Variants in ZNF26 observed in about 807,000 individuals in gnomAD.
ZNF26 encodes the protein zinc finger protein 26.
Under a neutral mutation model 54.9 loss-of-function variants are expected in ZNF26, and 32 were observed. The observed-to-expected ratio is 0.58, with a 90% confidence interval of 0.44 to 0.78. The LOEUF (loss-of-function observed/expected upper bound fraction) is 0.78, where lower values mean the gene tolerates loss of function less well. ZNF26 is among the 30% of genes least tolerant of loss of function. The pLI, the probability that ZNF26 is intolerant of heterozygous loss-of-function variation, is 0.00. For missense variants in ZNF26, 524 were observed against 634.0 expected (o/e 0.83, Z 1.86); for synonymous variants, 221 against 209.2 (o/e 1.06, Z -0.49).
chr12:133,023,612 T>C lies in ZNF26; in HGVS notation c.*12131T>C, dbSNP rs909869721. On this transcript the variant is annotated 3_prime_UTR_variant, in exon 4 of 4. Transcript: ENST00000328654. ...ACAATAATCAACCATGTTTTACATATGTGGCAGATTTTATTTTCTGAAGTG... is the reference window on the plus strand; with the variant it reads ...ACAATAATCAACCATGTTTTACATACGTGGCAGATTTTATTTTCTGAAGTG... 1.3e-5 allele frequency: 2 copies of C among 148,530 alleles called. No homozygotes were observed. Among genetic ancestry groups the C allele is most frequent in the African/African-American group, 2.5e-5 (1 of 40,574 alleles). 9.2% of individuals were successfully genotyped at this position (148,530 alleles called of 1,614,324 possible).
chr12:133,008,519 G>A (rs1274820641), intron 3 of ZNF26, among the ~76,000 whole-genome samples: 2 of 152,142 alleles, frequency 1.3e-5, no homozygotes, highest in African/African-American at 4.8e-5. Flanking sequence ...GCTCATGCCT[G>A]TAATCCCAGC....
Position 133,022,028 on chromosome 12 carries a change from A to C in ZNF26, c.*10547A>C, listed in dbSNP as rs975948818. The C allele has an allele frequency of 6.6e-6, 1 of 151,964 alleles. No homozygotes were observed. Among genetic ancestry groups the C allele is most frequent in the African/African-American group, 2.4e-5 (1 of 41,380 alleles). The allele number at this position is 151,964 out of a possible 1,614,324, so 9.4% of individuals were successfully genotyped here. A position where few individuals can be genotyped will look rare whatever the true frequency, so the allele number is the denominator to read the frequency against. On this transcript the variant is annotated 3_prime_UTR_variant, in exon 4 of 4. Coordinates refer to ENST00000328654, the MANE Select transcript of ZNF26 (RefSeq NM_019591.4). ...GAGGTCAGGAGTTTGAGACCAGTCT[A>C]GCCAACATGGTGATAGCCCCTGTTT...
rs1953637737 is a variant in ZNF26 at position 133,021,278 on chromosome 12, G to A, written c.*9797G>A. The A allele has an allele frequency of 6.6e-6, 1 of 151,718 alleles. No homozygotes were observed. The highest frequency in any genetic ancestry group is 2.4e-5 in the African/African-American group (1 of 41,370). 9.4% of individuals were successfully genotyped at this position (151,718 alleles called of 1,614,324 possible). ...TGATTCTCCAGCCTCAGCCTCCTGAGTAGCTGGGATTACAGGTGCCCACCA... is the reference window on the plus strand; with the variant it reads ...TGATTCTCCAGCCTCAGCCTCCTGAATAGCTGGGATTACAGGTGCCCACCA... On this transcript the variant is annotated 3_prime_UTR_variant, in exon 4 of 4. Coordinates refer to ENST00000328654, the MANE Select transcript of ZNF26 (RefSeq NM_019591.4).
At chr12:132,994,719 T>A (rs2137221579) in intron 1 of ZNF26, among the ~76,000 whole-genome samples, 1 of 152,258 alleles carries the variant, frequency 6.6e-6, no homozygotes, top group East Asian at 1.9e-4. Context: ...CAGTTACTGG[T>A]TATTTTAGAT....
rs1156291404 is a variant in ZNF26, at chr12:133,011,705, TGTA to T, written c.*228_*230del. 3 of 346,104 alleles carry T rather than the reference TGTA, an allele frequency of 8.7e-6. No homozygotes were observed. The highest frequency in any genetic ancestry group is 1.6e-5 in the Non-Finnish European group (3 of 192,722). 21.4% of individuals were successfully genotyped at this position (346,104 alleles called of 1,614,324 possible). ...GTGGAGCAATAAATGTATCAAATGTTGTAGTATCATCATGAAGATTCAGAGAAT... is the reference window on the plus strand; with the variant it reads ...GTGGAGCAATAAATGTATCAAATGTTGTATCATCATGAAGATTCAGAGAAT... On this transcript the variant is annotated 3_prime_UTR_variant, in exon 4 of 4. Coordinates refer to ENST00000328654, the MANE Select transcript of ZNF26 (RefSeq NM_019591.4).
intron 1 of ZNF26, among the ~76,000 whole-genome samples, chr12:132,991,057 C>T (rs928753276): frequency 6.6e-6 from 1 of 151,570 alleles, no homozygotes. Flanking sequence ...CAGGGTTTCA[C>T]TATGTTGGCC....
At chr12:133,010,064 C>T (rs1047221631) in intron 3 of ZNF26, 72 bp from the exon 4 acceptor site, 32 of 1,460,390 alleles carry the variant, frequency 2.2e-5, no homozygotes, top group Non-Finnish European at 2.9e-5. Flanking sequence ...CATCACAGTC[C>T]TAATACTGTT....
intron 1 of ZNF26, among the ~76,000 whole-genome samples, chr12:132,998,252 C>T (rs895827694): frequency 1.1e-4 from 17 of 151,474 alleles, no homozygotes; most frequent in Admixed American, 2.6e-4. Context: ...CTGCAACCTT[C>T]GCCTCCCGGG....
chr12:133,006,243 A>G (rs1953322875), intron 1 of ZNF26: 2 of 985,168 alleles, frequency 2.0e-6, no homozygotes, highest in Non-Finnish European at 2.4e-6. Context: ...CCCCAGACCA[A>G]TTGCCTTCAG....
At position 133,016,995 on chromosome 12, in the gene ZNF26, T is replaced by C. The variant is rs1264686099; in HGVS notation, c.*5514T>C. 5 of 152,124 alleles carry C rather than the reference T, an allele frequency of 3.3e-5. No homozygotes were observed. The highest frequency in any genetic ancestry group is 4.8e-5 in the African/African-American group (2 of 41,422). The allele number at this position is 152,124 out of a possible 1,614,324, so 9.4% of individuals were successfully genotyped here. A position where few individuals can be genotyped will look rare whatever the true frequency, so the allele number is the denominator to read the frequency against. ...GTCTTCAATGTTCTGAAAGAAAATA[T>C]CTACCTAGAAGGGTTATTCACAAAC... On this transcript the variant is annotated 3_prime_UTR_variant, in exon 4 of 4. Coordinates refer to ENST00000328654, the MANE Select transcript of ZNF26 (RefSeq NM_019591.4).
intron 1 of ZNF26, among the ~76,000 whole-genome samples, chr12:133,000,576 C>T (rs1357199729): frequency 6.6e-6 from 1 of 152,046 alleles, no homozygotes; most frequent in Admixed American, 6.6e-5. Context: ...AGGCGCCCGC[C>T]ACCACACCCA....
rs947891875 is a variant in ZNF26, at chr12:133,023,360, T to A, written c.*11879T>A. On this transcript the variant is annotated 3_prime_UTR_variant, in exon 4 of 4. Coordinates refer to ENST00000328654, the MANE Select transcript of ZNF26 (RefSeq NM_019591.4). ...TGTCCAATAAAATTTTAGCAAACAT[T>A]AAGGACTTGATTATCATTATGTAAG... 30 of 152,184 alleles carry A rather than the reference T, an allele frequency of 2.0e-4. No individual in the cohort carries two copies. The highest frequency in any genetic ancestry group is 6.5e-4 in the African/African-American group (27 of 41,458). The allele number at this position is 152,184 out of a possible 1,614,324, so 9.4% of individuals were successfully genotyped here.
chr12:132,988,333 C>A lies in ZNF26; in HGVS notation c.33+1460C>A, dbSNP rs376223848. 1.9e-4 allele frequency among the ~76,000 whole-genome samples: 29 copies of A among 151,510 alleles called. 2 individuals are homozygous for A. The East Asian group carries it at 1.9e-3, about 10-fold the overall frequency. On this transcript the variant is annotated intron_variant, in intron 1 of 3. Transcript: ENST00000328654. ...CTCACTGCAGCCTCGAACTCCCGGG[C>A]TCAAGGGATCCTCCACCTCAGCCTC... is the stretch of plus-strand genomic sequence containing the variant.
In ZNF26 at chr12:133,018,198, A is replaced by G. The variant is rs933841336; in HGVS notation, c.*6717A>G. 3.9e-5 allele frequency: 6 copies of G among 152,234 alleles called. No individual in the cohort carries two copies. The highest frequency in any genetic ancestry group is 9.6e-5 in the African/African-American group (4 of 41,456). The allele number at this position is 152,234 out of a possible 1,614,324, so 9.4% of individuals were successfully genotyped here. ...CAAGAATAAGCTGAGAGAACCAGAAATAGGAAATAAATAGGCTACTGTAAC... is the reference window on the plus strand; with the variant it reads ...CAAGAATAAGCTGAGAGAACCAGAAGTAGGAAATAAATAGGCTACTGTAAC... On this transcript the variant is annotated 3_prime_UTR_variant, in exon 4 of 4. Coordinates refer to ENST00000328654, the MANE Select transcript of ZNF26 (RefSeq NM_019591.4).
intron 1 of ZNF26, among the ~76,000 whole-genome samples, chr12:132,998,206 G>A (rs953368886): frequency 7.1e-4 from 105 of 148,674 alleles, no homozygotes; most frequent in Admixed American, 1.4e-3. Flanking sequence ...TTGCTCTGTC[G>A]CCCAGGCTGG....
At chr12:132,994,985 G>T (rs1386386016) in intron 1 of ZNF26, among the ~76,000 whole-genome samples, 3 of 152,078 alleles carry the variant, frequency 2.0e-5, no homozygotes, top group Non-Finnish European at 4.4e-5. Context: ...CCCCGGGGGG[G>T]CAAAATCTCC....
rs2137273393 is a variant in ZNF26, at chr12:133,016,439, C to G, written c.*4958C>G. On this transcript the variant is annotated 3_prime_UTR_variant, in exon 4 of 4. Transcript: ENST00000328654. ...TTTTTTTTTTTAACTATTTTAAGAG[C>G]ATCACAGTAAAAGGAAAATAACAGC... 1.4e-5 allele frequency: 2 copies of G among 138,736 alleles called. No homozygotes were observed. The highest frequency in any genetic ancestry group is 3.1e-5 in the Non-Finnish European group (2 of 65,444). 8.6% of individuals were successfully genotyped at this position (138,736 alleles called of 1,614,324 possible). A position where few individuals can be genotyped will look rare whatever the true frequency, so the allele number is the denominator to read the frequency against.
chr12:132,990,001 T>A (rs1300305593), intron 1 of ZNF26, among the ~76,000 whole-genome samples: 1 of 152,128 alleles, frequency 6.6e-6, no homozygotes, highest in Non-Finnish European at 1.5e-5. Context: ...TTGTCAGATT[T>A]TTTTTCTGGG....
chr12:132,987,347 G>C (rs1952845475), intron 1 of ZNF26, among the ~76,000 whole-genome samples: 1 of 152,208 alleles, frequency 6.6e-6, no homozygotes, highest in Admixed American at 6.5e-5. Flanking sequence ...GGAGAGGGTA[G>C]TCTAGTGAAC....
Sources: allele counts gnomAD v4.1 joint callset (sites outside exome capture counted in the v4.1 genomes callset), GRCh38; gene constraint gnomAD v4.1.1; transcripts MANE v1.5; gene names NCBI Gene and HGNC (gene_info 2026-07-23, HGNC 2026-07-21).